NAV3: variants seen among roughly 807,000 people sequenced by gnomAD.
NAV3 encodes pore membrane and/or filament interacting like protein 1.
Under a neutral mutation model 244.7 loss-of-function variants are expected in NAV3, and 87 were observed. The ratio of observed to expected loss-of-function variants is 0.36; its 90% CI spans 0.30 to 0.42. The LOEUF (loss-of-function observed/expected upper bound fraction) is 0.42. NAV3 is among the 20% of genes least tolerant of loss of function. The pLI is 1.00. For synonymous variants in NAV3, 1,126 were observed against 1,042.2 expected (o/e 1.08, Z -1.55); for missense variants, 2,663 against 2,893.3 (o/e 0.92, Z 1.83).
chr12:77,708,195 A>C (rs1875926605), intron 2 of NAV3, among the ~76,000 whole-genome samples: 1 of 152,172 alleles, frequency 6.6e-6, no homozygotes, highest in African/African-American at 2.4e-5. Flanking sequence ...GTTTAGGTCT[A>C]ACATTTAAGT....
chr12:77,762,195 A>G (rs1181684596), intron 2 of NAV3, among the ~76,000 whole-genome samples: 2 of 152,058 alleles, frequency 1.3e-5, no homozygotes, highest in African/African-American at 2.4e-5. Flanking sequence ...ACCAAACACC[A>G]CATGTTCTCA....
chr12:78,073,725 A>G (rs1397517983), intron 12 of NAV3, among the ~76,000 whole-genome samples: 1 of 152,190 alleles, frequency 6.6e-6, no homozygotes, highest in African/African-American at 2.4e-5. Context: ...AAGAGCCCGC[A>G]TCGCCAAGTC....
At chr12:77,786,680 C>T (rs949220774) in intron 2 of NAV3, among the ~76,000 whole-genome samples, 68 of 152,208 alleles carry the variant, frequency 4.5e-4, no homozygotes, top group Admixed American at 1.1e-3. Flanking sequence ...GTGAGAGTGA[C>T]GGAAGGATTA....
chr12:77,739,395 C>T (rs1027777760), intron 2 of NAV3, among the ~76,000 whole-genome samples: 8 of 150,484 alleles, frequency 5.3e-5, no homozygotes, highest in African/African-American at 2.0e-4. Flanking sequence ...GTGTATAGCG[C>T]ATATCTATAC....
intron 2 of NAV3, among the ~76,000 whole-genome samples, chr12:77,673,771 G>A (rs1042565017): frequency 1.1e-4 from 16 of 151,998 alleles, no homozygotes; most frequent in Non-Finnish European, 1.9e-4. Context: ...TTTATAAACT[G>A]TAAAATACCT....
At chr12:77,820,821 G>A (rs1872710208) in intron 2 of NAV3, among the ~76,000 whole-genome samples, 2 of 152,020 alleles carry the variant, frequency 1.3e-5, no homozygotes, top group Non-Finnish European at 2.9e-5. Flanking sequence ...TTTTTAAATG[G>A]TGCCATAAGA....
At chr12:77,977,935 GTTACGTAAAAAA>G (rs68114407) in intron 5 of NAV3, among the ~76,000 whole-genome samples, 149,603 of 152,200 alleles carry the variant, frequency 0.98, 73,581 homozygotes, top group Middle Eastern at 1. Context: ...CTGTATGCCA[GTTACGTAAAAAA>G]TGCCTTTTTT....
chr12:78,129,096 T>C (rs1329455079), intron 18 of NAV3, among the ~76,000 whole-genome samples: 2 of 152,190 alleles, frequency 1.3e-5, no homozygotes, highest in African/African-American at 4.8e-5. Flanking sequence ...ACTGTGGTTG[T>C]TTTCTAGTCT....
chr12:77,800,912 T>C (rs1592694818), intron 2 of NAV3, among the ~76,000 whole-genome samples: 2 of 152,264 alleles, frequency 1.3e-5, no homozygotes, highest in East Asian at 3.9e-4. Context: ...TCATCACTTT[T>C]AAGAACATTA....
intron 2 of NAV3, among the ~76,000 whole-genome samples, chr12:77,729,000 CTA>C (rs1877007275): frequency 6.6e-6 from 1 of 151,860 alleles, no homozygotes; most frequent in Admixed American, 6.6e-5. Context: ...ATATATTTTT[CTA>C]TTTCTTCTGA....
rs368816536 is a variant in NAV3 at position 77,617,874 on chromosome 12, A to T, written c.72+45608A>T. The stretch of plus-strand genomic sequence containing the variant: ...ATAATATCTCAAATGGAAAACTTAA[A>T]TTTTACAATTTTCAAGTCATTATCT... On this transcript the variant is annotated intron_variant, in intron 2 of 8. Transcript: ENST00000550042. Among the ~76,000 whole-genome samples, 15 of 152,292 alleles carry T rather than the reference A, an allele frequency of 9.8e-5. No homozygotes were observed. In the South Asian group the frequency reaches 1.0e-3, roughly 11 times the overall value.
rs11107978 is a variant in NAV3, at chr12:78,043,913, G to A, written c.2024-6080G>A. 3.9e-3 allele frequency among the ~76,000 whole-genome samples: 595 copies of A among 152,218 alleles called. 2 individuals carry two copies. Among genetic ancestry groups the A allele is most frequent in the Non-Finnish European group, 5.7e-3 (391 of 68,026 alleles). On this transcript the variant is annotated intron_variant, in intron 9 of 39. Coordinates refer to ENST00000397909, the MANE Select transcript of NAV3 (RefSeq NM_001024383.2). ...CACTCTGATGATAGTTTCTTTTGCT[G>A]TGCAGAATTTCCTTAGTTTAATTAG...
chr12:77,708,066 G>T (rs1358844091), intron 2 of NAV3, among the ~76,000 whole-genome samples: 1 of 152,166 alleles, frequency 6.6e-6, no homozygotes, highest in African/African-American at 2.4e-5. Flanking sequence ...AGTTTAATTA[G>T]ATCCCATTTC....
chr12:77,743,401 C>G (rs906618946), intron 2 of NAV3, among the ~76,000 whole-genome samples: 27 of 151,868 alleles, frequency 1.8e-4, no homozygotes, highest in African/African-American at 6.5e-4. Context: ...GTCAACTGTA[C>G]AAGTTAAACA....
chr12:77,861,453 T>C (rs879809600), intron 1 of NAV3, among the ~76,000 whole-genome samples: 4 of 151,900 alleles, frequency 2.6e-5, no homozygotes, highest in Non-Finnish European at 5.9e-5. Flanking sequence ...AAAATCAGCT[T>C]ATACATCTCT....
chr12:78,137,123 T>C (rs907380238), intron 18 of NAV3, 54 bp from the exon 19 acceptor site: 2 of 1,494,622 alleles, frequency 1.3e-6, no homozygotes, highest in Non-Finnish European at 9.1e-7. Flanking sequence ...ATCAACCTGC[T>C]ATTTTCATCT....
chr12:77,830,574 C>T (rs1873503849), upstream of NAV3, among the ~76,000 whole-genome samples: 1 of 152,212 alleles, frequency 6.6e-6, no homozygotes. Flanking sequence ...TAGTGCCCTG[C>T]TTCCTGTGTT....
intron 2 of NAV3, among the ~76,000 whole-genome samples, chr12:77,595,089 A>G (rs1188822138): frequency 6.6e-6 from 1 of 152,182 alleles, no homozygotes; most frequent in East Asian, 1.9e-4. Context: ...CAGTACCTCA[A>G]AGAGATATCT....
chr12:77,843,363 AC>A (rs1232601941), intron 1 of NAV3, among the ~76,000 whole-genome samples: 1 of 151,460 alleles, frequency 6.6e-6, no homozygotes, highest in African/African-American at 2.4e-5. Flanking sequence ...TGCACTGTGG[AC>A]CCCAGGTAAC....
Sources: gnomAD v4.1 joint callset for allele counts (sites outside exome capture counted in the v4.1 genomes callset) on GRCh38, gnomAD v4.1.1 for gene constraint, MANE v1.5 for transcripts, NCBI Gene and HGNC (gene_info 2026-07-23, HGNC 2026-07-21) for gene names.